ARHGAP10: variants seen among roughly 807,000 people sequenced by gnomAD.
ARHGAP10 encodes rho GTPase-activating protein 10.
Under a neutral mutation model 108.6 loss-of-function variants are expected in ARHGAP10, and 87 were observed. The observed-to-expected ratio is 0.80, with a 90% CI of 0.67 to 0.96. The LOEUF (loss-of-function observed/expected upper bound fraction) is 0.96. ARHGAP10 is among the 40% of genes least tolerant of loss of function. ARHGAP10 has a pLI of 0.00. For synonymous variants in ARHGAP10, 347 were observed against 341.1 expected, an observed-to-expected ratio of 1.02 and a Z score of -0.19; for missense variants, 939 against 954.5, an observed-to-expected ratio of 0.98 and a Z score of 0.21.
At chr4:147,947,559 C>T (rs1269559843) in intron 15 of ARHGAP10, among the ~76,000 whole-genome samples, 7 of 151,634 alleles carry the variant, frequency 4.6e-5, no homozygotes, top group African/African-American at 1.2e-4. Context: ...TGCACCACCA[C>T]GCCTGGCTAA....
chr4:148,013,038 G>GA (rs540821418), intron 18 of ARHGAP10, among the ~76,000 whole-genome samples: 1 of 151,344 alleles, frequency 6.6e-6, no homozygotes, highest in Non-Finnish European at 1.5e-5. Context: ...TGTAATTTGG[G>GA]AAAAAAATGT....
At chr4:147,776,916 G>A (rs1215159095) in intron 1 of ARHGAP10, among the ~76,000 whole-genome samples, 1 of 152,150 alleles carries the variant, frequency 6.6e-6, no homozygotes, top group Admixed American at 6.5e-5. Flanking sequence ...AAAGCTTTGG[G>A]GTGGGCTCTG....
chr4:147,895,943 T>A (rs1051098432), intron 10 of ARHGAP10, among the ~76,000 whole-genome samples: 43 of 152,210 alleles, frequency 2.8e-4, no homozygotes, highest in African/African-American at 9.9e-4. Flanking sequence ...ATGAATTGGT[T>A]GGAATTTTGA....
intron 16 of ARHGAP10, among the ~76,000 whole-genome samples, chr4:147,956,454 T>G (rs1255249578): frequency 6.6e-6 from 1 of 152,172 alleles, no homozygotes; most frequent in Non-Finnish European, 1.5e-5. Context: ...ACTGGTTCTA[T>G]TCGTTTTTGT....
intron 19 of ARHGAP10, among the ~76,000 whole-genome samples, chr4:148,033,643 T>G (rs1434928075): frequency 6.6e-6 from 1 of 152,222 alleles, no homozygotes; most frequent in Non-Finnish European, 1.5e-5. Flanking sequence ...GTGTTTAGTT[T>G]ACAAATGTTT....
chr4:148,044,384 T>C (rs1170146383), intron 19 of ARHGAP10, among the ~76,000 whole-genome samples: 2 of 152,176 alleles, frequency 1.3e-5, no homozygotes, highest in Non-Finnish European at 2.9e-5. Context: ...TCTCCTTTGC[T>C]GCTTCTGCCA....
At chr4:147,897,229 C>A (rs1451461890) in intron 10 of ARHGAP10, among the ~76,000 whole-genome samples, 2 of 151,224 alleles carry the variant, frequency 1.3e-5, no homozygotes, top group African/African-American at 2.4e-5. Context: ...GCTTTTTAAG[C>A]AGAGTTTTAG....
At chr4:147,926,879 G>A (rs1004621087) in intron 13 of ARHGAP10, among the ~76,000 whole-genome samples, 12 of 152,132 alleles carry the variant, frequency 7.9e-5, no homozygotes, top group African/African-American at 2.9e-4. Flanking sequence ...TTAGTGGCTG[G>A]AAAGTCAAAC....
chr4:147,882,766 GA>G, intron 10 of ARHGAP10, among the ~76,000 whole-genome samples: 1 of 152,140 alleles, frequency 6.6e-6, no homozygotes, highest in Non-Finnish European at 1.5e-5. Context: ...GGAAGAAGTA[GA>G]AGAGAAAATT....
intron 18 of ARHGAP10, among the ~76,000 whole-genome samples, chr4:147,981,528 A>G (rs1739805050): frequency 6.6e-6 from 1 of 152,180 alleles, no homozygotes; most frequent in African/African-American, 2.4e-5. Context: ...GAGAATGACT[A>G]TTCTGTGGTT....
chr4:147,800,032 T>C (rs1463335693), intron 1 of ARHGAP10, among the ~76,000 whole-genome samples: 2 of 152,230 alleles, frequency 1.3e-5, no homozygotes, highest in East Asian at 3.8e-4. Flanking sequence ...GTGGTTCCAA[T>C]GACAGTTTAA....
intron 20 of ARHGAP10, among the ~76,000 whole-genome samples, chr4:148,057,593 T>C (rs985102313): frequency 6.6e-6 from 1 of 152,206 alleles, no homozygotes; most frequent in Non-Finnish European, 1.5e-5. Flanking sequence ...TGAGCCTGGG[T>C]GTGGGGAGGT....
intron 1 of ARHGAP10, among the ~76,000 whole-genome samples, chr4:147,761,246 G>T (rs1467163655): frequency 6.6e-6 from 1 of 151,904 alleles, no homozygotes; most frequent in Admixed American, 6.6e-5. Context: ...TGAACTCCTG[G>T]CCCCAAGCAA....
chr4:147,782,416 C>T (rs1273152451), intron 1 of ARHGAP10, among the ~76,000 whole-genome samples: 2 of 152,002 alleles, frequency 1.3e-5, no homozygotes, highest in African/African-American at 2.4e-5. Flanking sequence ...TGGGTTCTTC[C>T]GGTATGAGTC....
At chr4:147,816,379 C>G (rs1258623111) in intron 1 of ARHGAP10, among the ~76,000 whole-genome samples, 1 of 152,210 alleles carries the variant, frequency 6.6e-6, no homozygotes, top group African/African-American at 2.4e-5. Context: ...TTATGGGTTT[C>G]TTTTGGGGCC....
chr4:147,795,421 T>C (rs1310693123), intron 1 of ARHGAP10, among the ~76,000 whole-genome samples: 1 of 152,186 alleles, frequency 6.6e-6, no homozygotes, highest in African/African-American at 2.4e-5. Context: ...TCAAAAATTA[T>C]ATTTTTTCCT....
At chr4:147,877,513 CTT>C (rs1378206383) in intron 8 of ARHGAP10, among the ~76,000 whole-genome samples, 1 of 152,018 alleles carries the variant, frequency 6.6e-6, no homozygotes, top group East Asian at 1.9e-4. Context: ...GGTGTAGAAA[CTT>C]TGTTTGTTTG....
intron 12 of ARHGAP10, 88 bp downstream of exon 12, chr4:147,909,865 C>A: frequency 7.6e-7 from 1 of 1,307,498 alleles, no homozygotes; most frequent in Non-Finnish European, 1.1e-6. Flanking sequence ...TTGCTGGGAG[C>A]TTACTCTCTG....
intron 18 of ARHGAP10, among the ~76,000 whole-genome samples, chr4:147,982,029 G>T (rs1295828611): frequency 6.6e-6 from 1 of 152,126 alleles, no homozygotes; most frequent in Non-Finnish European, 1.5e-5. Context: ...GCCACCCTAT[G>T]TCTTTTATTT....
Sources: allele counts gnomAD v4.1 joint callset (sites outside exome capture counted in the v4.1 genomes callset), GRCh38; gene constraint gnomAD v4.1.1; transcripts MANE v1.5; gene names NCBI Gene and HGNC (gene_info 2026-07-23, HGNC 2026-07-21).